Variants in TEX14 observed in about 807,000 individuals in gnomAD.
TEX14 encodes the protein inactive serine/threonine-protein kinase TEX14.
TEX14 carries 168 observed loss-of-function variants against 178.6 expected under a neutral mutation model. The observed-to-expected ratio is 0.94, with a 90% confidence interval of 0.83 to 1.07. The LOEUF (loss-of-function observed/expected upper bound fraction) is 1.07. Among genes scored for constraint, TEX14 ranks in the 50% least tolerant of loss-of-function variants. TEX14 has a pLI of 0.00. For missense variants in TEX14, 1,730 were observed against 1,753.6 expected, an observed-to-expected ratio of 0.99 and a Z score of 0.24; for synonymous variants, 626 against 634.1, an observed-to-expected ratio of 0.99 and a Z score of 0.19.
chr17:58,692,042 G>T lies in TEX14; in HGVS notation c.-105C>A, dbSNP rs537101012. 164 of 152,856 alleles carry T rather than the reference G, an allele frequency of 1.1e-3. 2 individuals are homozygous for T. Among genetic ancestry groups the T allele is most frequent in the Non-Finnish European group, 1.9e-3 (133 of 69,994 alleles). The allele number at this position is 152,856 out of a possible 1,614,324, so 9.5% of individuals were successfully genotyped here. On this transcript the variant is annotated 5_prime_UTR_variant, in exon 1 of 32. Transcript: ENST00000349033. ...CCGGGAAGACGTGGGTGGGTGCGGGGAATGCGGACTGATCCCTCCCAGCGG... is the reference window on the plus strand; with the variant it reads ...CCGGGAAGACGTGGGTGGGTGCGGGTAATGCGGACTGATCCCTCCCAGCGG...
At chr17:58,654,878 G>A (rs1188334443) in intron 1 of TEX14, among the ~76,000 whole-genome samples, 1 of 151,788 alleles carries the variant, frequency 6.6e-6, no homozygotes, top group Non-Finnish European at 1.5e-5. Context: ...ACCTCATTCT[G>A]TCCTAGAACA....
intron 15 of TEX14, among the ~76,000 whole-genome samples, chr17:58,590,056 A>G (rs2045087538): frequency 6.6e-6 from 1 of 152,060 alleles, no homozygotes; most frequent in African/African-American, 2.4e-5. Context: ...AAGTCAAGAG[A>G]TGGAGACCAT....
chr17:58,629,907 T>G lies in TEX14; in HGVS notation c.251+533A>C, dbSNP rs1212849051. ...TCCGATTCTTTTCGTGTTTCGTGTT[T>G]TTTTTTTTTCCTTTTTTTTTTTTTT... On this transcript the variant is annotated intron_variant, in intron 3 of 31. Coordinates refer to ENST00000349033, the MANE Select transcript of TEX14 (RefSeq NM_031272.5). 2.0e-5 allele frequency among the ~76,000 whole-genome samples: 3 copies of G among 149,794 alleles called. No individual in the cohort carries two copies. The East Asian group carries it at 5.9e-4, about 29-fold the overall frequency.
Position 58,598,918 on chromosome 17 carries a change from GTCTGGCT to G in TEX14, c.2420_2426del (p.Lys807ThrfsTer94). On this transcript the variant is annotated frameshift_variant, in exon 14 of 32. Coordinates refer to ENST00000349033, the MANE Select transcript of TEX14 (RefSeq NM_031272.5). LOFTEE classifies it high-confidence loss of function. ...GTAGGGTTGGGTAGTTGCCACTGGTGTCTGGCTTCTGACCCCCTGAAAGCTGTAGGAC... is the reference window on the plus strand; with the variant it reads ...GTAGGGTTGGGTAGTTGCCACTGGTGTCTGACCCCCTGAAAGCTGTAGGAC... 1 of 1,613,732 alleles carries G rather than the reference GTCTGGCT, an allele frequency of 6.2e-7. No homozygotes were observed. Among genetic ancestry groups the G allele is most frequent in the Non-Finnish European group, 8.5e-7 (1 of 1,179,828 alleles).
In TEX14 at chr17:58,611,272, A is replaced by G. The variant is rs766181870; in HGVS notation, c.1073T>C (p.Leu358Pro). The change falls in exon 10 of 32, where the codon CTG (leucine) becomes CCG (proline). Residue 358 changes from leucine to proline, a missense_variant. This residue lies in a region of TEX14 where 789 missense variants were observed against 681.2 expected (regional missense o/e 1.16). Transcript: ENST00000349033. The part of the protein sequence containing the change: ...VHLLLQISDA[L>P]RYLHFQGFIH... ...AAACCCCTGGAAATGCAGGTATCTC[A>G]GGGCATCAGATATCTGGAGCAGCAG... 1.1e-5 allele frequency: 18 copies of G among 1,600,668 alleles called. No homozygotes were observed. Among genetic ancestry groups the G allele is most frequent in the Non-Finnish European group, 1.5e-5 (18 of 1,167,766 alleles).
chr17:58,620,557 G>A (rs944527296), intron 5 of TEX14, among the ~76,000 whole-genome samples: 6 of 151,776 alleles, frequency 4.0e-5, no homozygotes, highest in South Asian at 2.1e-4. Flanking sequence ...GCAGTGGTGC[G>A]ATCTCGGCTC....
At chr17:58,563,347 G>A (rs1397876629) in intron 28 of TEX14, among the ~76,000 whole-genome samples, 3 of 151,982 alleles carry the variant, frequency 2.0e-5, no homozygotes, top group African/African-American at 7.3e-5. Flanking sequence ...CTGGAAGACT[G>A]CCCCCATTTT....
At chr17:58,649,622 T>C (rs920326885) in intron 2 of TEX14, among the ~76,000 whole-genome samples, 2 of 152,164 alleles carry the variant, frequency 1.3e-5, no homozygotes, top group Admixed American at 1.3e-4. Context: ...AGATAATAAA[T>C]GTCATAATAC....
chr17:58,591,491 C>A (rs2045140371), intron 15 of TEX14, among the ~76,000 whole-genome samples: 1 of 151,876 alleles, frequency 6.6e-6, no homozygotes, highest in African/African-American at 2.4e-5. Context: ...GCACTCCAGC[C>A]TGGGGAACAA....
intron 1 of TEX14, among the ~76,000 whole-genome samples, chr17:58,671,686 C>T (rs1053660361): frequency 9.2e-5 from 14 of 152,142 alleles, no homozygotes; most frequent in Admixed American, 9.2e-4. Flanking sequence ...TTGTTTCTTT[C>T]TCTGGGTCTC....
At chr17:58,688,074 A>G (rs887000211) in intron 1 of TEX14, among the ~76,000 whole-genome samples, 2 of 152,194 alleles carry the variant, frequency 1.3e-5, no homozygotes, top group African/African-American at 4.8e-5. Flanking sequence ...AAAATAAAAT[A>G]TATAAAAGTA....
chr17:58,656,328 C>T (rs1438649872), intron 1 of TEX14, among the ~76,000 whole-genome samples: 1 of 152,060 alleles, frequency 6.6e-6, no homozygotes, highest in Non-Finnish European at 1.5e-5. Flanking sequence ...GCCTGTAGTC[C>T]CAGCTACTCA....
Position 58,579,740 on chromosome 17 carries a change from G to A in TEX14, c.3172-9C>T. The A allele has an allele frequency of 1.2e-6, 2 of 1,610,904 alleles. No individual in the cohort carries two copies. Among genetic ancestry groups the A allele is most frequent in the Non-Finnish European group, 1.7e-6 (2 of 1,178,214 alleles). On this transcript the variant is annotated splice_polypyrimidine_tract_variant and intron_variant, in intron 19 of 31. Coordinates refer to ENST00000349033, the MANE Select transcript of TEX14 (RefSeq NM_031272.5). ...TCTATGGGACTCGAGGTCTAAAAAA[G>A]AACAAAAGAAAAGCAAAGAAAGGAG...
chr17:58,653,949 A>G (rs2143278068), intron 1 of TEX14, among the ~76,000 whole-genome samples: 1 of 152,336 alleles, frequency 6.6e-6, no homozygotes, highest in Non-Finnish European at 1.5e-5. Context: ...TGGGAGGCCG[A>G]GGCGGGCGGA....
chr17:58,681,902 A>C (rs540090537), intron 1 of TEX14, among the ~76,000 whole-genome samples: 25 of 152,284 alleles, frequency 1.6e-4, no homozygotes, highest in African/African-American at 6.0e-4. Flanking sequence ...AACTCATGTA[A>C]GGGAAAAGGT....
At chr17:58,589,999 A>C (rs1006380649) in intron 15 of TEX14, among the ~76,000 whole-genome samples, 2 of 152,052 alleles carry the variant, frequency 1.3e-5, no homozygotes, top group Non-Finnish European at 2.9e-5. Flanking sequence ...GTGGTGGCTC[A>C]CGCCTGTAAT....
intron 2 of TEX14, among the ~76,000 whole-genome samples, chr17:58,649,023 C>T (rs554106993): frequency 6.6e-6 from 1 of 150,754 alleles, no homozygotes; most frequent in African/African-American, 2.4e-5. Flanking sequence ...GTGATCCGCT[C>T]GCCTCGGTCT....
At chr17:58,690,001 C>G (rs573860132) in intron 1 of TEX14, among the ~76,000 whole-genome samples, 1 of 151,980 alleles carries the variant, frequency 6.6e-6, no homozygotes, top group African/African-American at 2.4e-5. Context: ...AGGCGCCCAC[C>G]ACCGCACCCA....
intron 2 of TEX14, among the ~76,000 whole-genome samples, chr17:58,647,703 T>C (rs777871932): frequency 1.3e-5 from 2 of 152,112 alleles, no homozygotes; most frequent in Admixed American, 6.6e-5. Context: ...CTTTTTGTTT[T>C]TTGTTTTTTG....
Sources: allele counts gnomAD v4.1 joint callset (sites outside exome capture counted in the v4.1 genomes callset), GRCh38; gene constraint gnomAD v4.1.1; regional missense constraint gnomAD v4.1.1; transcripts MANE v1.5; gene names NCBI Gene and HGNC (gene_info 2026-07-23, HGNC 2026-07-21).